CDK14: variants seen among roughly 807,000 people sequenced by gnomAD.
CDK14 encodes cyclin dependent kinase 14, also known as cyclin-dependent kinase 14.
A neutral mutation model predicts 60.7 loss-of-function variants in CDK14; 34 were observed. That is an observed-to-expected ratio of 0.56 (90% confidence interval 0.43 to 0.75). The LOEUF (loss-of-function observed/expected upper bound fraction) is 0.75. CDK14 is among the 30% of genes least tolerant of loss of function. The pLI is 0.00. For missense variants in CDK14, 482 were observed against 564.1 expected (o/e 0.85, Z 1.47); for synonymous variants, 197 against 203.7 (o/e 0.97, Z 0.28).
At chr7:91,198,245 C>G (rs1264711471) in intron 14 of CDK14, among the ~76,000 whole-genome samples, 1 of 152,120 alleles carries the variant, frequency 6.6e-6, no homozygotes, top group Non-Finnish European at 1.5e-5. Flanking sequence ...GTAAAAGTTG[C>G]AGGGCTTTTG....
chr7:90,615,230 A>G (rs1280158205), intron 2 of CDK14, among the ~76,000 whole-genome samples: 1 of 152,222 alleles, frequency 6.6e-6, no homozygotes, highest in Admixed American at 6.5e-5. Context: ...GCATCAGGCA[A>G]GTACTTATTC....
intron 2 of CDK14, among the ~76,000 whole-genome samples, chr7:90,713,798 A>G (rs1034191750): frequency 5.3e-5 from 8 of 152,024 alleles, no homozygotes; most frequent in Non-Finnish European, 8.8e-5. Flanking sequence ...GAGTCCTGTA[A>G]TCAATCCCAT....
At chr7:90,914,387 A>G (rs1389415716) in intron 7 of CDK14, among the ~76,000 whole-genome samples, 1 of 152,106 alleles carries the variant, frequency 6.6e-6, no homozygotes, top group Non-Finnish European at 1.5e-5. Context: ...ACAGACCTCT[A>G]AGTCACAATG....
At chr7:91,111,712 G>A (rs928283775) in intron 12 of CDK14, among the ~76,000 whole-genome samples, 3 of 152,058 alleles carry the variant, frequency 2.0e-5, no homozygotes, top group Non-Finnish European at 2.9e-5. Context: ...AGTGCCTGAC[G>A]CATGTTCAAC....
rs1447272273 is a variant in CDK14, at chr7:90,649,244, C to CTTTG, written c.123+44998_123+44999insGTTT. On this transcript the variant is annotated intron_variant, in intron 2 of 14. Transcript: ENST00000380050. ...AACAGCTCTAGCCTATAGTTTCTTT[C>CTTTG]TTTCTTTCTTTCTTTCTTTCTTTCT... is the stretch of plus-strand genomic sequence containing the variant. 4.3e-3 allele frequency among the ~76,000 whole-genome samples: 116 copies of CTTTG among 26,668 alleles called. 1 individual carries two copies. The highest frequency in any genetic ancestry group is 0.013 in the East Asian group (15 of 1,168). 17.5% of individuals were successfully genotyped at this position (26,668 alleles called of 152,430 possible). A position where few individuals can be genotyped will look rare whatever the true frequency, so the allele number is the denominator to read the frequency against.
intron 6 of CDK14, among the ~76,000 whole-genome samples, chr7:90,878,108 G>C (rs1300788126): frequency 6.6e-6 from 1 of 151,362 alleles, no homozygotes; most frequent in Non-Finnish European, 1.5e-5. Flanking sequence ...GAGAGAGAGA[G>C]AGACAGAGAG....
intron 12 of CDK14, among the ~76,000 whole-genome samples, chr7:91,086,505 G>T (rs566634861): frequency 6.6e-6 from 1 of 151,870 alleles, no homozygotes; most frequent in African/African-American, 2.4e-5. Flanking sequence ...TGTTGTTCCC[G>T]ATCTCCTTGA....
chr7:91,136,337 G>A (rs1031946559), intron 14 of CDK14, among the ~76,000 whole-genome samples: 1 of 152,140 alleles, frequency 6.6e-6, no homozygotes, highest in African/African-American at 2.4e-5. Context: ...TAATCATCCA[G>A]ATATTTATGG....
chr7:90,752,092 C>G (rs1421994343), intron 4 of CDK14, among the ~76,000 whole-genome samples: 2 of 152,100 alleles, frequency 1.3e-5, no homozygotes, highest in African/African-American at 4.8e-5. Flanking sequence ...TTCCACAACG[C>G]ACTGACAGCA....
rs900548753 is a variant in CDK14 at position 90,740,911 on chromosome 7, C to T, written c.370-6770C>T. The stretch of plus-strand genomic sequence containing the variant: ...ATTCAGTGTATGGTCTTGGGCAAAT[C>T]GGTGTTTCTGGGAGGTTTTCATTTT... On this transcript the variant is annotated intron_variant, in intron 3 of 14. Coordinates refer to ENST00000380050, the MANE Select transcript of CDK14 (RefSeq NM_001287135.2). Among the ~76,000 whole-genome samples, 8 of 152,168 alleles carry T rather than the reference C, an allele frequency of 5.3e-5. No individual in the cohort carries two copies. In the East Asian group the frequency reaches 7.7e-4, roughly 15 times the overall value.
rs746086232 is a variant in CDK14 at position 90,726,747 on chromosome 7, A to G, written c.304A>G (p.Asn102Asp). 34 of 1,613,708 alleles carry G rather than the reference A, an allele frequency of 2.1e-5. No homozygotes were observed. Among genetic ancestry groups the G allele is most frequent in the Admixed American group, 8.3e-5 (5 of 59,938 alleles). ...RVHSENNACI[N>D]FKTSSTGKES... ...GCATTCTGAGAACAATGCTTGCATT[A>G]ACTTTAAGACCTCCTCCACTGGCAA... Residue 102 changes from asparagine (N) to aspartate (D), a missense_variant, in exon 3 of 15, where the codon AAC becomes GAC. Coordinates refer to ENST00000380050, the MANE Select transcript of CDK14 (RefSeq NM_001287135.2).
At chr7:90,650,427 T>C (rs1320973086) in intron 2 of CDK14, among the ~76,000 whole-genome samples, 1 of 152,228 alleles carries the variant, frequency 6.6e-6, no homozygotes, top group African/African-American at 2.4e-5. Context: ...ACTCTGATGG[T>C]AGTTTCTTTT....
intron 12 of CDK14, among the ~76,000 whole-genome samples, chr7:91,082,196 C>G (rs986055699): frequency 3.3e-5 from 5 of 152,180 alleles, no homozygotes; most frequent in Non-Finnish European, 5.9e-5. Flanking sequence ...GGAGAAGAAG[C>G]CTTAGTGTAT....
intron 11 of CDK14, among the ~76,000 whole-genome samples, chr7:91,049,560 G>A (rs1797332562): frequency 6.6e-6 from 1 of 152,122 alleles, no homozygotes; most frequent in South Asian, 2.1e-4. Context: ...ATAGGTGTAT[G>A]TACAAATTCA....
At chr7:90,957,067 A>G (rs1274568559) in intron 9 of CDK14, among the ~76,000 whole-genome samples, 7 of 150,174 alleles carry the variant, frequency 4.7e-5, no homozygotes, top group African/African-American at 9.8e-5. Flanking sequence ...TAATGCCGCA[A>G]TAAACATACG....
chr7:90,794,466 C>T (rs11973044), intron 5 of CDK14, among the ~76,000 whole-genome samples: 23,549 of 151,882 alleles, frequency 0.16, 1,935 homozygotes, highest in Middle Eastern at 0.25. Flanking sequence ...ATTCCCTAGG[C>T]GGCCATTTTA....
At position 91,061,451 on chromosome 7, in the gene CDK14, G is replaced by A. The variant is rs773255043; in HGVS notation, c.1105+15491G>A. 2.9e-4 allele frequency among the ~76,000 whole-genome samples: 44 copies of A among 152,332 alleles called. No homozygotes were observed. In the Middle Eastern group the frequency reaches 0.014, roughly 47 times the overall value. ...TGTTCCGTTGCTGGTGAGGAACTGC[G>A]TTCCTTTGGAGGAGGAGAGGCACTC... On this transcript the variant is annotated intron_variant, in intron 11 of 14. Coordinates refer to ENST00000380050, the MANE Select transcript of CDK14 (RefSeq NM_001287135.2).
rs1001673382 is a variant in CDK14 at position 91,180,000 on chromosome 7, T to C, written c.*29-27165T>C. Among the ~76,000 whole-genome samples, 5 of 152,274 alleles carry C rather than the reference T, an allele frequency of 3.3e-5. 1 individual carries two copies. Among genetic ancestry groups the C allele is most frequent in the Admixed American group, 6.5e-5 (1 of 15,296 alleles). ...TACATATTTATGCTATAGAGTATTA[T>C]AGAGTAATAAATCAAGACATTCCAG... On this transcript the variant is annotated intron_variant, in intron 14 of 14. Transcript: ENST00000380050.
intron 14 of CDK14, among the ~76,000 whole-genome samples, chr7:91,145,297 C>T (rs1278337697): frequency 6.6e-6 from 1 of 151,994 alleles, no homozygotes; most frequent in Non-Finnish European, 1.5e-5. Context: ...TTTTAGAGGG[C>T]TGAAATTTAA....
Sources: allele counts gnomAD v4.1 joint callset (sites outside exome capture counted in the v4.1 genomes callset), GRCh38; gene constraint gnomAD v4.1.1; transcripts MANE v1.5; gene names NCBI Gene and HGNC (gene_info 2026-07-23, HGNC 2026-07-21).